Variants in ZNF83 observed in about 807,000 individuals in gnomAD.
The protein encoded by ZNF83 is zinc finger protein 816B.
For missense variants in ZNF83, 552 were observed against 629.9 expected (o/e 0.88, Z 1.32); for synonymous variants, 209 against 213.0 (o/e 0.98, Z 0.17).
intron 2 of ZNF83, among the ~76,000 whole-genome samples, chr19:52,631,978 C>T (rs574253188): frequency 6.9e-6 from 1 of 144,888 alleles, no homozygotes; most frequent in Non-Finnish European, 1.5e-5. Flanking sequence ...GATTTGCCCC[C>T]ACCCAGGACT....
intron 1 of ZNF83, among the ~76,000 whole-genome samples, chr19:52,675,751 T>C (rs11084176): frequency 0.3 from 45,201 of 152,056 alleles, 7,111 homozygotes; most frequent in East Asian, 0.52. Context: ...TAGGAGTGAA[T>C]TTTGTGCATG....
chr19:52,687,561 TTA>T lies in ZNF83; in HGVS notation c.-283+2880_-283+2881del, dbSNP rs373595986. ...TATATATAAATTATATGTGTAAATTTTATATATATATAAATTTTATATATATA... is the reference window on the plus strand; with the variant it reads ...TATATATAAATTATATGTGTAAATTTTATATATATAAATTTTATATATATA... On this transcript the variant is annotated intron_variant, in intron 1 of 5. Transcript: ENST00000594682. Among the ~76,000 whole-genome samples the T allele has an allele frequency of 1.8e-4, 4 of 22,782 alleles. 1 individual carries two copies. In the South Asian group the frequency reaches 3.2e-3, roughly 18 times the overall value. 14.9% of individuals were successfully genotyped at this position (22,782 alleles called of 152,430 possible).
chr19:52,685,017 G>A (rs2061990991), intron 1 of ZNF83, among the ~76,000 whole-genome samples: 2 of 152,206 alleles, frequency 1.3e-5, no homozygotes, highest in Non-Finnish European at 2.9e-5. Context: ...GAAAGGCCCC[G>A]AAGATGGTCT....
intron 1 of ZNF83, among the ~76,000 whole-genome samples, chr19:52,683,015 CAT>C (rs2061948274): frequency 1.3e-5 from 2 of 152,114 alleles, no homozygotes; most frequent in Non-Finnish European, 2.9e-5. Flanking sequence ...AGATTATAGG[CAT>C]GTGCCACCAC....
At chr19:52,683,529 A>ACTCTGAGCGCATCACCTGCTGG in intron 1 of ZNF83, among the ~76,000 whole-genome samples, 1 of 20,398 alleles carries the variant, frequency 4.9e-5, no homozygotes, top group Admixed American at 2.9e-4. Flanking sequence ...TCCAAAGGGA[A>ACTCTGAGCGCATCACCTGCTGG]GGGCAAAGTC....
chr19:52,630,263 C>T (rs12610403), intron 2 of ZNF83, among the ~76,000 whole-genome samples: 35,171 of 152,122 alleles, frequency 0.23, 4,362 homozygotes, highest in African/African-American at 0.31. Flanking sequence ...ACTGCCCGAT[C>T]GCCTCGGAAG....
chr19:52,660,084 A>C (rs1367583227), intron 2 of ZNF83, among the ~76,000 whole-genome samples: 1 of 152,094 alleles, frequency 6.6e-6, no homozygotes, highest in Non-Finnish European at 1.5e-5. Context: ...CCAGCTACTC[A>C]GGAGGCTGAG....
upstream of ZNF83, among the ~76,000 whole-genome samples, chr19:52,639,040 A>G (rs1012849103): frequency 6.6e-6 from 1 of 152,130 alleles, no homozygotes; most frequent in Non-Finnish European, 1.5e-5. Flanking sequence ...ATCCAACATT[A>G]TTCTTTTCCA....
intron 2 of ZNF83, chr19:52,618,929 T>C (rs2060426106): frequency 6.5e-7 from 1 of 1,547,592 alleles, no homozygotes; most frequent in East Asian, 2.2e-5. Context: ...AGGGAAGTTA[T>C]CCTCACCCAG....
chr19:52,615,333 T>C (rs2060267472), intron 2 of ZNF83, among the ~76,000 whole-genome samples: 1 of 86,360 alleles, frequency 1.2e-5, no homozygotes, highest in South Asian at 2.9e-4. Context: ...GGGCAACAAT[T>C]AGGCCATGAG....
intron 1 of ZNF83, among the ~76,000 whole-genome samples, chr19:52,685,482 T>TA (rs967647484): frequency 2.4e-4 from 37 of 151,478 alleles, no homozygotes; most frequent in South Asian, 2.1e-3. Context: ...AATTCTTCCT[T>TA]AAAAAAAAAT....
At chr19:52,615,054 G>A (rs1214353937) in intron 2 of ZNF83, among the ~76,000 whole-genome samples, 1 of 152,062 alleles carries the variant, frequency 6.6e-6, no homozygotes, top group Non-Finnish European at 1.5e-5. Context: ...CACTTACATT[G>A]CAAAAATTTA....
At chr19:52,614,471 G>T in exon 3 of ZNF83, 1 of 1,612,608 alleles carries the variant, frequency 6.2e-7, no homozygotes, top group Non-Finnish European at 8.5e-7. Flanking sequence ...CCTTCAGCTT[G>T]AAATAGCTGC....
At chr19:52,630,231 G>A (rs1214677332) in intron 2 of ZNF83, among the ~76,000 whole-genome samples, 3 of 152,310 alleles carry the variant, frequency 2.0e-5, no homozygotes, top group East Asian at 3.9e-4. Context: ...AGATCTTCTT[G>A]GCTTAGTGGC....
At chr19:52,664,406 G>A (rs2147288835) in intron 1 of ZNF83, among the ~76,000 whole-genome samples, 1 of 152,136 alleles carries the variant, frequency 6.6e-6, no homozygotes, top group South Asian at 2.1e-4. Flanking sequence ...TGAAGTGGGA[G>A]GATCCGTTGA....
chr19:52,648,247 CTG>C (rs1352404473), intron 3 of ZNF83, among the ~76,000 whole-genome samples: 1 of 151,416 alleles, frequency 6.6e-6, no homozygotes. Context: ...CTTCTTTTCT[CTG>C]TCTCAGGTTT....
intron 1 of ZNF83, chr19:52,674,310 T>C (rs1034976326): frequency 6.6e-6 from 1 of 152,226 alleles, no homozygotes; most frequent in African/African-American, 2.4e-5. Flanking sequence ...ATCCATGAAA[T>C]GACCACAGCT....
intron 2 of ZNF83, among the ~76,000 whole-genome samples, chr19:52,619,641 A>G (rs1026237557): frequency 1.3e-5 from 2 of 151,734 alleles, no homozygotes; most frequent in African/African-American, 4.8e-5. Flanking sequence ...AAAAAAAAAA[A>G]TGTTAGAAAC....
At position 52,623,296 on chromosome 19, in the gene ZNF83, C is replaced by T. The variant is rs118140211; in HGVS notation, c.-233-8499G>A. 6.9e-4 allele frequency among the ~76,000 whole-genome samples: 105 copies of T among 152,186 alleles called. No homozygotes were observed. In the East Asian group the frequency reaches 0.01, roughly 15 times the overall value. On this transcript the variant is annotated intron_variant, in intron 2 of 2. Coordinates refer to ENST00000301096, the Ensembl canonical transcript of ZNF83. Reference sequence around the variant, plus strand: ...GCTTTGGGTAACTCTTACAGTGGGGCGTAAGTCCATCCCCTGTTTAATTGA... The same window carrying T: ...GCTTTGGGTAACTCTTACAGTGGGGTGTAAGTCCATCCCCTGTTTAATTGA...
Sources: gnomAD v4.1 joint callset for allele counts (sites outside exome capture counted in the v4.1 genomes callset) on GRCh38, gnomAD v4.1.1 for gene constraint, MANE v1.5 for transcripts, NCBI Gene and HGNC (gene_info 2026-07-23, HGNC 2026-07-21) for gene names.